FCHSD2: variants seen among roughly 807,000 people sequenced by gnomAD.
FCHSD2 encodes F-BAR and double SH3 domains protein 2.
In FCHSD2, 38 loss-of-function variants were observed where a neutral mutation model predicts 108.1. That is an observed-to-expected ratio of 0.35 (90% CI 0.27 to 0.46). The LOEUF (loss-of-function observed/expected upper bound fraction) is 0.46, where lower values mean the gene tolerates loss of function less well. Among genes scored for constraint, FCHSD2 ranks in the 20% least tolerant of loss-of-function variants. FCHSD2 has a pLI of 1.00. For missense variants in FCHSD2, 751 were observed against 897.8 expected, an observed-to-expected ratio of 0.84 and a Z score of 2.09; for synonymous variants, 279 against 314.7, an observed-to-expected ratio of 0.89 and a Z score of 1.20.
At chr11:73,096,947 C>G (rs953310461) in intron 2 of FCHSD2, among the ~76,000 whole-genome samples, 1 of 117,914 alleles carries the variant, frequency 8.5e-6, no homozygotes, top group African/African-American at 3.3e-5. Context: ...TCATGTGGTT[C>G]TGTCCTTCCT....
At chr11:72,901,939 A>T (rs1267660940) in intron 10 of FCHSD2, among the ~76,000 whole-genome samples, 2 of 150,718 alleles carry the variant, frequency 1.3e-5, no homozygotes, top group African/African-American at 2.4e-5. Flanking sequence ...CAGTGGTGTG[A>T]TCTCGGCTCA....
intron 3 of FCHSD2, among the ~76,000 whole-genome samples, chr11:73,055,037 G>T (rs912399426): frequency 1.3e-5 from 2 of 152,128 alleles, no homozygotes; most frequent in Non-Finnish European, 2.9e-5. Context: ...AATCATGGGG[G>T]AAGGCAAAAG....
chr11:72,900,647 A>G (rs929219588), intron 10 of FCHSD2, among the ~76,000 whole-genome samples: 1 of 150,206 alleles, frequency 6.7e-6, no homozygotes, highest in Non-Finnish European at 1.5e-5. Flanking sequence ...GAGAATGTGA[A>G]TAAGTCATTG....
rs945016349 is a variant in FCHSD2, at chr11:72,836,870, G to A, written c.*1921C>T. On this transcript the variant is annotated 3_prime_UTR_variant, in exon 20 of 20. Transcript: ENST00000409418. ...GCCCTGACCTGTGCACTGTGGTGCT[G>A]GATTCCATATCCTGGATGGAGGGGT... is the stretch of plus-strand genomic sequence containing the variant. The A allele has an allele frequency of 1.3e-5, 2 of 152,504 alleles. No homozygotes were observed. Among genetic ancestry groups the A allele is most frequent in the African/African-American group, 4.8e-5 (2 of 41,390 alleles). The allele number at this position is 152,504 out of a possible 1,614,324, so 9.4% of individuals were successfully genotyped here. A position where few individuals can be genotyped will look rare whatever the true frequency, so the allele number is the denominator to read the frequency against.
At chr11:72,978,911 C>T (rs1215247149) in intron 8 of FCHSD2, among the ~76,000 whole-genome samples, 3 of 136,032 alleles carry the variant, frequency 2.2e-5, no homozygotes, top group Non-Finnish European at 4.6e-5. Context: ...GGCTGGAGTG[C>T]AGTGGTGCGA....
At chr11:72,989,467 T>C (rs1857370670) in intron 5 of FCHSD2, among the ~76,000 whole-genome samples, 1 of 152,152 alleles carries the variant, frequency 6.6e-6, no homozygotes, top group East Asian at 1.9e-4. Flanking sequence ...CCCCATAATC[T>C]TAACAAAGTC....
chr11:72,895,900 C>T (rs1287437671), intron 10 of FCHSD2, among the ~76,000 whole-genome samples: 7 of 152,220 alleles, frequency 4.6e-5, no homozygotes, highest in East Asian at 1.9e-4. Context: ...TATGAGACAA[C>T]GCTATATGCA....
intron 17 of FCHSD2, 60 bp downstream of exon 17, chr11:72,842,561 C>T: frequency 6.2e-7 from 1 of 1,602,356 alleles, no homozygotes; most frequent in Non-Finnish European, 8.5e-7. Flanking sequence ...GATCCACAGA[C>T]CCTTTGGGAG....
intron 3 of FCHSD2, among the ~76,000 whole-genome samples, chr11:73,039,777 T>G (rs1429174168): frequency 6.6e-6 from 1 of 152,218 alleles, no homozygotes; most frequent in African/African-American, 2.4e-5. Context: ...TCTTCTTTTT[T>G]GATGACTTTA....
intron 5 of FCHSD2, among the ~76,000 whole-genome samples, chr11:72,992,578 G>A (rs1231120288): frequency 3.3e-5 from 5 of 152,124 alleles, no homozygotes; most frequent in South Asian, 2.1e-4. Flanking sequence ...CAATGGAACC[G>A]AACAGAGCCC....
intron 8 of FCHSD2, among the ~76,000 whole-genome samples, chr11:72,951,775 T>C (rs1382883252): frequency 6.6e-6 from 1 of 152,208 alleles, no homozygotes; most frequent in Non-Finnish European, 1.5e-5. Flanking sequence ...CCCATTGATT[T>C]GAGGTTTACC....
intron 8 of FCHSD2, chr11:72,940,576 TGCTGGCA>T (rs1856395593): frequency 1.4e-5 from 18 of 1,265,634 alleles, no homozygotes; most frequent in Non-Finnish European, 1.7e-5. Flanking sequence ...GAGAGTCAGC[TGCTGGCA>T]GTACTGCCAG....
chr11:73,081,754 A>G (rs1211316985), intron 3 of FCHSD2, among the ~76,000 whole-genome samples: 1 of 152,176 alleles, frequency 6.6e-6, no homozygotes, highest in African/African-American at 2.4e-5. Flanking sequence ...TACATGTATG[A>G]AAGTGTATTT....
chr11:72,928,478 T>C (rs898109185), intron 8 of FCHSD2, among the ~76,000 whole-genome samples: 7 of 152,200 alleles, frequency 4.6e-5, no homozygotes, highest in African/African-American at 1.7e-4. Flanking sequence ...TGGCCTAGAA[T>C]GTCCTTCCCC....
At chr11:72,959,220 C>CTTT (rs11408216) in intron 8 of FCHSD2, among the ~76,000 whole-genome samples, 678 of 56,320 alleles carry the variant, frequency 0.012, 271 homozygotes, top group Admixed American at 0.075. Flanking sequence ...ATCCAGCAGT[C>CTTT]TTTTTTTTTT....
intron 3 of FCHSD2, among the ~76,000 whole-genome samples, chr11:73,071,578 G>A (rs929107063): frequency 5.9e-5 from 9 of 151,732 alleles, no homozygotes; most frequent in African/African-American, 1.5e-4. Context: ...GTGTGTGCCC[G>A]TAGTCCCAAC....
chr11:72,913,553 G>A lies in FCHSD2; in HGVS notation c.828+8275C>T, dbSNP rs1591393261. On this transcript the variant is annotated intron_variant, in intron 9 of 19. Coordinates refer to ENST00000409418, the MANE Select transcript of FCHSD2 (RefSeq NM_014824.3). ...CAAAGTGCTGTGATTACATGTGTGAGCCATCACACCCAGCCCTATTTATCC... is the reference window on the plus strand; with the variant it reads ...CAAAGTGCTGTGATTACATGTGTGAACCATCACACCCAGCCCTATTTATCC... Among the ~76,000 whole-genome samples, 3 of 152,280 alleles carry A rather than the reference G, an allele frequency of 2.0e-5. No homozygotes were observed. The South Asian group carries it at 6.2e-4, about 32-fold the overall frequency.
intron 12 of FCHSD2, among the ~76,000 whole-genome samples, chr11:72,877,017 G>A (rs1317566364): frequency 1.3e-5 from 2 of 150,070 alleles, no homozygotes; most frequent in Non-Finnish European, 3.0e-5. Flanking sequence ...TGTTGTCTAC[G>A]CTGCAGTGCA....
chr11:72,872,237 A>G (rs966183233), intron 12 of FCHSD2, among the ~76,000 whole-genome samples: 3 of 149,622 alleles, frequency 2.0e-5, no homozygotes, highest in Non-Finnish European at 4.4e-5. Context: ...TTATTGACAT[A>G]TAGCTCAGGT....
Sources: gnomAD v4.1 joint callset for allele counts (sites outside exome capture counted in the v4.1 genomes callset) on GRCh38, gnomAD v4.1.1 for gene constraint, MANE v1.5 for transcripts, NCBI Gene and HGNC (gene_info 2026-07-23, HGNC 2026-07-21) for gene names.